Variants in SLC35H1 observed in about 807,000 individuals in gnomAD.
SLC35H1 encodes solute carrier family 35 member H1, also known as ovarian cancer-overexpressed gene 1 protein.
chr20:46,354,558 T>A, the SLC35H1 span, among the ~76,000 whole-genome samples: 1 of 152,334 alleles, frequency 6.6e-6, no homozygotes, highest in South Asian at 2.1e-4. Context: ...GGCCTCATTT[T>A]GTTCTACCTG....
At chr20:46,357,165 C>T in the SLC35H1 span, among the ~76,000 whole-genome samples, 1 of 152,236 alleles carries the variant, frequency 6.6e-6, no homozygotes, top group Non-Finnish European at 1.5e-5. Flanking sequence ...ACCAGTCCCA[C>T]GCATCCTTCA....
the SLC35H1 span, among the ~76,000 whole-genome samples, chr20:46,357,401 A>AG: frequency 7.6e-4 from 116 of 152,184 alleles, 1 homozygote; most frequent in African/African-American, 2.6e-3. Context: ...CCGCAGGTGC[A>AG]GGGGGGGTTT....
the SLC35H1 span, among the ~76,000 whole-genome samples, chr20:46,362,218 G>T: frequency 3.3e-5 from 5 of 152,190 alleles, no homozygotes; most frequent in Non-Finnish European, 7.3e-5. Flanking sequence ...ACACAGACGT[G>T]AAACTGAAAA....
chr20:46,355,857 G>A, the SLC35H1 span: 1 of 1,614,004 alleles, frequency 6.2e-7, no homozygotes, highest in African/African-American at 1.3e-5. The surrounding 1 kb of genome is among the most constrained non-coding windows in gnomAD (Gnocchi z 4.8). Flanking sequence ...GACAGCTGAG[G>A]ATTTGGTCAT....
the SLC35H1 span, chr20:46,352,982 GA>G: frequency 1.3e-5 from 2 of 152,236 alleles, no homozygotes; most frequent in African/African-American, 4.8e-5. Context: ...CTGGGCTAAA[GA>G]AGGTAGGGCG....
At chr20:46,350,521 T>C in the SLC35H1 span, 2,857 of 1,597,386 alleles carry the variant, frequency 1.8e-3, 11 homozygotes, top group Middle Eastern at 5.6e-3. Flanking sequence ...GGGGCCACCA[T>C]CACCTTGGGA....
At chr20:46,347,260 G>C in the SLC35H1 span, 1 of 152,208 alleles carries the variant, frequency 6.6e-6, no homozygotes. Flanking sequence ...CTTAGCCATC[G>C]TTATGCTTAA....
chr20:46,358,464 C>A, the SLC35H1 span: 7 of 1,614,132 alleles, frequency 4.3e-6, no homozygotes, highest in Non-Finnish European at 5.9e-6. Context: ...AGGGTCAACA[C>A]CGCCTTCCAC....
chr20:46,357,503 G>C, the SLC35H1 span: 1 of 1,219,116 alleles, frequency 8.2e-7, no homozygotes, highest in East Asian at 2.3e-5. Context: ...GGCAGAGGAG[G>C]AACAGTGCAG....
the SLC35H1 span, chr20:46,355,044 T>C: frequency 6.2e-6 from 10 of 1,613,826 alleles, no homozygotes; most frequent in Middle Eastern, 5.0e-4. The surrounding 1 kb of genome is among the most constrained non-coding windows in gnomAD (Gnocchi z 4.8). Flanking sequence ...GGGGTTCCTC[T>C]CTCTGGAGGA....
the SLC35H1 span, chr20:46,355,780 A>T: frequency 1.9e-6 from 3 of 1,613,942 alleles, no homozygotes; most frequent in South Asian, 2.2e-5. This position sits in a 1 kb window ranked among gnomAD's most constrained non-coding sequence, Gnocchi z 4.8. Flanking sequence ...CAGGAAGGAC[A>T]CAAGAGACGC....
chr20:46,360,898 T>C, the SLC35H1 span, among the ~76,000 whole-genome samples: 1 of 152,000 alleles, frequency 6.6e-6, no homozygotes, highest in Non-Finnish European at 1.5e-5. Context: ...TTATTAATCA[T>C]ATGTTTCATT....
At chr20:46,357,546 G>C in the SLC35H1 span, 2 of 1,514,252 alleles carry the variant, frequency 1.3e-6, no homozygotes, top group Non-Finnish European at 1.8e-6. Flanking sequence ...CCAGACATGC[G>C]GGTGTCTCTC....
At chr20:46,350,449 C>G in the SLC35H1 span, 1 of 1,613,626 alleles carries the variant, frequency 6.2e-7, no homozygotes, top group Non-Finnish European at 8.5e-7. Context: ...ACCTTCCTCC[C>G]GCTGGCTGCT....
the SLC35H1 span, among the ~76,000 whole-genome samples, chr20:46,351,397 G>A: frequency 6.6e-6 from 1 of 152,258 alleles, no homozygotes; most frequent in Non-Finnish European, 1.5e-5. Context: ...CCCTTGGACA[G>A]GCCTGCATTT....
At chr20:46,358,696 G>A in the SLC35H1 span, 1 of 1,551,016 alleles carries the variant, frequency 6.4e-7, no homozygotes, top group Non-Finnish European at 8.7e-7. Context: ...CTCACCTAAG[G>A]GGCTGGTGGC....
the SLC35H1 span, chr20:46,356,560 T>C: frequency 2.7e-5 from 44 of 1,613,886 alleles, 1 homozygote; most frequent in African/African-American, 2.4e-4. Flanking sequence ...CAGCAGGGCA[T>C]GGCCAGTACT....
the SLC35H1 span, chr20:46,354,791 T>A: frequency 8.4e-7 from 1 of 1,189,212 alleles, no homozygotes; most frequent in Non-Finnish European, 1.2e-6. Context: ...TTGATCTCAA[T>A]AATCTCTGCA....
the SLC35H1 span, among the ~76,000 whole-genome samples, chr20:46,353,810 G>A: frequency 3.3e-5 from 5 of 151,952 alleles, no homozygotes; most frequent in South Asian, 2.1e-4. Flanking sequence ...AGAGTGTGGC[G>A]TTTGGTACAA....
Sources: gnomAD v4.1 joint callset for allele counts (sites outside exome capture counted in the v4.1 genomes callset) on GRCh38, gnomAD v4.1.1 for gene constraint, Gnocchi (gnomAD v3.1) non-coding constraint, MANE v1.5 for transcripts, NCBI Gene and HGNC (gene_info 2026-07-23, HGNC 2026-07-21) for gene names.